Variants in PARD3B observed in about 807,000 individuals in gnomAD.
PARD3B encodes par-3 family cell polarity regulator beta.
PARD3B carries 103 observed loss-of-function variants against 130.2 expected under a neutral mutation model. The observed-to-expected ratio is 0.79, with a 90% CI of 0.67 to 0.93. PARD3B has a LOEUF of 0.93. PARD3B is among the 40% of genes least tolerant of loss of function. The pLI, the probability that PARD3B is intolerant of heterozygous loss-of-function variation, is 0.00. For missense variants in PARD3B, 1,609 were observed against 1,499.2 expected, an observed-to-expected ratio of 1.07 and a Z score of -1.21; for synonymous variants, 583 against 553.2, an observed-to-expected ratio of 1.05 and a Z score of -0.76.
At chr2:205,147,330 G>A (rs1222684631) in intron 10 of PARD3B, among the ~76,000 whole-genome samples, 1 of 152,058 alleles carries the variant, frequency 6.6e-6, no homozygotes, top group South Asian at 2.1e-4. Flanking sequence ...TACTATATTC[G>A]GGGGAGAGGG....
intron 21 of PARD3B, among the ~76,000 whole-genome samples, chr2:205,502,550 T>C (rs1280040123): frequency 6.6e-6 from 1 of 152,160 alleles, no homozygotes; most frequent in Admixed American, 6.5e-5. Flanking sequence ...GAAATATTGT[T>C]ATGAACTTAG....
intron 1 of PARD3B, among the ~76,000 whole-genome samples, chr2:204,642,822 G>A (rs1418901463): frequency 6.6e-6 from 1 of 151,560 alleles, no homozygotes; most frequent in Admixed American, 6.6e-5. Context: ...GAAAGTGTTT[G>A]GCACCTCTCG....
At chr2:205,569,850 C>T (rs1413618838) in intron 22 of PARD3B, among the ~76,000 whole-genome samples, 1 of 152,060 alleles carries the variant, frequency 6.6e-6, no homozygotes, top group East Asian at 1.9e-4. Context: ...AAAATATATG[C>T]TCTTCTCCTT....
chr2:205,554,802 T>C (rs1048481915), intron 22 of PARD3B, among the ~76,000 whole-genome samples: 16 of 152,344 alleles, frequency 1.1e-4, no homozygotes, highest in African/African-American at 3.4e-4. Context: ...TTGTACTCAG[T>C]ATTATAAGTA....
In PARD3B at chr2:204,687,652, C is replaced by T. The variant is rs188498102; in HGVS notation, c.222+1370C>T. Among the ~76,000 whole-genome samples the T allele has an allele frequency of 1.3e-3, 193 of 152,270 alleles. 1 individual carries two copies. Among genetic ancestry groups the T allele is most frequent in the African/African-American group, 4.0e-3 (167 of 41,554 alleles). Reference sequence around the variant, plus strand: ...GGTCTCAGGGTAAATAAAAGGGTAACTAATGTATTATTAACCTTCAGAACC... The same window carrying T: ...GGTCTCAGGGTAAATAAAAGGGTAATTAATGTATTATTAACCTTCAGAACC... On this transcript the variant is annotated intron_variant, in intron 2 of 22. Transcript: ENST00000406610.
intron 3 of PARD3B, among the ~76,000 whole-genome samples, chr2:205,041,734 T>A (rs1299197960): frequency 6.6e-6 from 1 of 152,078 alleles, no homozygotes; most frequent in Non-Finnish European, 1.5e-5. Context: ...CATCTTTAAA[T>A]AAATAAATCC....
chr2:204,725,209 G>A (rs1404688594), intron 2 of PARD3B, among the ~76,000 whole-genome samples: 3 of 152,224 alleles, frequency 2.0e-5, no homozygotes, highest in Admixed American at 2.0e-4. Flanking sequence ...ACAGTAGAGG[G>A]AACTATTTAT....
Position 205,158,772 on chromosome 2 carries a change from C to CTTTGAG in PARD3B, c.1485_1486insTTTGAG (p.Leu495_Thr496insPheGlu). On this transcript the variant is annotated inframe_insertion, in exon 11 of 23. Coordinates refer to ENST00000406610, the MANE Select transcript of PARD3B (RefSeq NM_001302769.2). The surrounding 1 kb of genome is among the most constrained non-coding windows in gnomAD (Gnocchi z 5.4). ...TCTCTCTGGAGACAAGCGAGCAGCT[C>CTTTGAG]ACCTTTGAGATCCCCCTGAATGATT... 1 of 1,614,184 alleles carries CTTTGAG rather than the reference C, an allele frequency of 6.2e-7. No individual in the cohort carries two copies. Among genetic ancestry groups the CTTTGAG allele is most frequent in the East Asian group, 2.2e-5 (1 of 44,884 alleles).
intron 16 of PARD3B, among the ~76,000 whole-genome samples, chr2:205,256,191 A>G (rs984651291): frequency 3.3e-5 from 5 of 151,780 alleles, no homozygotes. Context: ...TGTTTTTTTT[A>G]AAAAAATCTC....
intron 21 of PARD3B, among the ~76,000 whole-genome samples, chr2:205,519,074 T>C (rs73060109): frequency 0.061 from 9,307 of 152,242 alleles, 460 homozygotes; most frequent in South Asian, 0.13. Context: ...TGGGGATGAT[T>C]TTCTTATGTA....
rs1392667014 is a variant in PARD3B at position 205,146,575 on chromosome 2, C to T, written c.1435-12147C>T. Among the ~76,000 whole-genome samples, 3 of 151,540 alleles carry T rather than the reference C, an allele frequency of 2.0e-5. No homozygotes were observed. Among genetic ancestry groups the T allele is most frequent in the Non-Finnish European group, 2.9e-5 (2 of 67,876 alleles). On this transcript the variant is annotated intron_variant, in intron 10 of 22. Transcript: ENST00000406610. The surrounding 1 kb of genome is among the most constrained non-coding windows in gnomAD (Gnocchi z 4.3). ...CTGAGGCAGGAGAATGGCGTGAACC[C>T]GGGAGGCGGAGCTTGCAGTGAGCCG...
At chr2:204,776,677 G>A (rs943906096) in intron 2 of PARD3B, among the ~76,000 whole-genome samples, 1 of 151,852 alleles carries the variant, frequency 6.6e-6, no homozygotes, top group African/African-American at 2.4e-5. Context: ...TGTGGTTAGG[G>A]TTAGGGAAGT....
At chr2:205,532,708 T>G (rs2051656338) in intron 21 of PARD3B, among the ~76,000 whole-genome samples, 1 of 152,168 alleles carries the variant, frequency 6.6e-6, no homozygotes, top group African/African-American at 2.4e-5. Flanking sequence ...GCCAACACAC[T>G]GGAAATTTCC....
chr2:204,822,582 T>C (rs2043402370), intron 2 of PARD3B, among the ~76,000 whole-genome samples: 1 of 152,202 alleles, frequency 6.6e-6, no homozygotes, highest in Admixed American at 6.5e-5. Flanking sequence ...CTTAAATTGT[T>C]GTGTAATTTC....
chr2:204,893,171 G>T (rs1286464494), intron 2 of PARD3B, among the ~76,000 whole-genome samples: 4 of 152,116 alleles, frequency 2.6e-5, no homozygotes, highest in Non-Finnish European at 5.9e-5. Flanking sequence ...AATGAAGAAA[G>T]TATTTCAAGA....
rs1285438765 is a variant in PARD3B at position 205,280,728 on chromosome 2, C to T, written c.2186-19802C>T. 1.3e-5 allele frequency among the ~76,000 whole-genome samples: 2 copies of T among 152,184 alleles called. No individual in the cohort carries two copies. The highest frequency in any genetic ancestry group is 2.4e-5 in the African/African-American group (1 of 41,450). Reference sequence around the variant, plus strand: ...GAGCCTTGACATGTCCTATAATTGCCACTTGGCTAACAAACATTTGATACT... The same window carrying T: ...GAGCCTTGACATGTCCTATAATTGCTACTTGGCTAACAAACATTTGATACT... On this transcript the variant is annotated intron_variant, in intron 16 of 22. Coordinates refer to ENST00000406610, the MANE Select transcript of PARD3B (RefSeq NM_001302769.2). The surrounding 1 kb of genome is among the most constrained non-coding windows in gnomAD (Gnocchi z 4.7).
chr2:205,177,386 C>CA (rs2035533309), intron 13 of PARD3B, among the ~76,000 whole-genome samples: 1 of 151,888 alleles, frequency 6.6e-6, no homozygotes, highest in South Asian at 2.1e-4. Context: ...ATATTTTATA[C>CA]AAAAAATGAA....
At chr2:205,059,464 T>C (rs1269970843) in intron 4 of PARD3B, among the ~76,000 whole-genome samples, 1 of 152,070 alleles carries the variant, frequency 6.6e-6, no homozygotes, top group East Asian at 1.9e-4. Context: ...TGCTAATGAA[T>C]GTACAGGTAC....
intron 3 of PARD3B, among the ~76,000 whole-genome samples, chr2:204,982,924 T>C (rs193058339): frequency 3.5e-4 from 53 of 152,352 alleles, no homozygotes; most frequent in Admixed American, 2.1e-3. Flanking sequence ...ATTGCATATA[T>C]CTGAAAGGAG....
Sources: gnomAD v4.1 joint callset for allele counts (sites outside exome capture counted in the v4.1 genomes callset) on GRCh38, gnomAD v4.1.1 for gene constraint, Gnocchi (gnomAD v3.1) non-coding constraint, MANE v1.5 for transcripts, NCBI Gene and HGNC (gene_info 2026-07-23, HGNC 2026-07-21) for gene names.